The following WDPCP variants were observed in gnomAD, a reference collection of about 807,000 sequenced individuals.
WDPCP encodes the protein WD repeat containing planar cell polarity effector, also known as WD repeat-containing and planar cell polarity effector protein fritz homolog.
A neutral mutation model predicts 93.1 loss-of-function variants in WDPCP; 71 were observed. That is an observed-to-expected ratio of 0.76 (90% CI 0.63 to 0.93). WDPCP has a LOEUF of 0.93. Ranked by LOEUF, WDPCP falls within the 40% of genes least tolerant of loss-of-function variation. The pLI, the probability that WDPCP is intolerant of heterozygous loss-of-function variation, is 0.00. For missense variants in WDPCP, 844 were observed against 887.4 expected, an observed-to-expected ratio of 0.95 and a Z score of 0.62; for synonymous variants, 315 against 315.0, an observed-to-expected ratio of 1.00 and a Z score of 0.00.
intron 1 of WDPCP, among the ~76,000 whole-genome samples, chr2:63,536,016 GAAA>G (rs1053180369): frequency 1.3e-5 from 2 of 152,104 alleles, no homozygotes; most frequent in African/African-American, 4.8e-5. Flanking sequence ...AAATTTACAA[GAAA>G]AAGTCAAACA....
In WDPCP at chr2:63,566,229, C is replaced by T. The variant is rs189141988; in HGVS notation, c.75+21968G>A. On this transcript the variant is annotated intron_variant, in intron 1 of 17. Coordinates refer to ENST00000272321, the MANE Select transcript of WDPCP (RefSeq NM_015910.7). The stretch of plus-strand genomic sequence containing the variant: ...CTGGAAGCTGCTTAGGGCAAACCTG[C>T]CTCTCATTCAATTCAAAGTCACTCC... 3.1e-3 allele frequency among the ~76,000 whole-genome samples: 472 copies of T among 152,338 alleles called. 1 individual carries two copies. The highest frequency in any genetic ancestry group is 0.011 in the African/African-American group (440 of 41,568).
At chr2:63,462,626 GT>G (rs1218586996) in intron 6 of WDPCP, among the ~76,000 whole-genome samples, 18 of 152,272 alleles carry the variant, frequency 1.2e-4, no homozygotes, top group Admixed American at 3.3e-4. Flanking sequence ...AGAGAGAGAA[GT>G]GAGGAGGTTC....
chr2:63,621,394 C>T (rs1389321011), intron 3 of WDPCP, among the ~76,000 whole-genome samples: 1 of 151,472 alleles, frequency 6.6e-6, no homozygotes, highest in Non-Finnish European at 1.5e-5. Context: ...GTATCAATAG[C>T]CGAATTGATC....
intron 12 of WDPCP, among the ~76,000 whole-genome samples, chr2:63,345,651 T>C (rs1689141793): frequency 6.6e-6 from 1 of 152,300 alleles, no homozygotes; most frequent in Admixed American, 6.5e-5. Context: ...GATGTTAAGA[T>C]GCAACATCAA....
rs553103336 is a variant in WDPCP, at chr2:63,408,926, C to A, written c.826-4269G>T. ...CAAGGAGAGTCTGAGCTCAGACACA[C>A]CTAGCCCTGCTCCCACCTGATGGTC... On this transcript the variant is annotated intron_variant, in intron 9 of 17. Transcript: ENST00000272321. Among the ~76,000 whole-genome samples, 321 of 152,222 alleles carry A rather than the reference C, an allele frequency of 2.1e-3. 1 individual carries two copies. Among genetic ancestry groups the A allele is most frequent in the African/African-American group, 6.9e-3 (288 of 41,530 alleles).
chr2:63,507,544 T>C (rs150137302), intron 1 of WDPCP, among the ~76,000 whole-genome samples: 1 of 152,128 alleles, frequency 6.6e-6, no homozygotes, highest in East Asian at 1.9e-4. Flanking sequence ...GCGGATGATA[T>C]AGAATCCAGG....
chr2:63,598,732 G>A (rs1709363408), intron 3 of WDPCP, among the ~76,000 whole-genome samples: 1 of 152,052 alleles, frequency 6.6e-6, no homozygotes, highest in African/African-American at 2.4e-5. Context: ...TAAAAGATTA[G>A]AAGATTGTTC....
intron 1 of WDPCP, among the ~76,000 whole-genome samples, chr2:63,572,315 A>G (rs987515156): frequency 7.2e-5 from 11 of 152,238 alleles, no homozygotes; most frequent in Non-Finnish European, 1.6e-4. Context: ...CCAGGAGTAG[A>G]TAGGTAGAAA....
rs552087831 is a variant in WDPCP, at chr2:63,781,080, G to T, written n.308+32542C>A. Among the ~76,000 whole-genome samples the T allele has an allele frequency of 1.9e-4, 29 of 152,264 alleles. No homozygotes were observed. The South Asian group carries it at 5.2e-3, about 27-fold the overall frequency. On this transcript the variant is annotated intron_variant and non_coding_transcript_variant, in intron 2 of 4. Coordinates refer to the WDPCP transcript ENST00000467687. ...CAGAATTGGTTTGAGAAAGGGTATT[G>T]CTCTTTGAGCCATTCAGCTTAATTA...
At chr2:63,622,801 G>C in intron 3 of WDPCP, 3 of 1,612,044 alleles carry the variant, frequency 1.9e-6, no homozygotes, top group Non-Finnish European at 2.5e-6. Flanking sequence ...GAACTCCGGA[G>C]CACGCTCTGG....
intron 3 of WDPCP, among the ~76,000 whole-genome samples, chr2:63,611,404 A>C (rs577689912): frequency 2.4e-4 from 37 of 152,256 alleles, no homozygotes; most frequent in African/African-American, 7.5e-4. Flanking sequence ...TTATATGTAC[A>C]TTTAATACCA....
At chr2:63,683,463 A>G (rs1172437782) in intron 2 of WDPCP, among the ~76,000 whole-genome samples, 1 of 152,236 alleles carries the variant, frequency 6.6e-6, no homozygotes, top group African/African-American at 2.4e-5. Flanking sequence ...ACAAAATGTC[A>G]TATTTAAAAT....
chr2:63,776,559 G>A (rs1670305747), intron 2 of WDPCP, among the ~76,000 whole-genome samples: 1 of 146,362 alleles, frequency 6.8e-6, no homozygotes, highest in Non-Finnish European at 1.5e-5. Flanking sequence ...GGAAGGCTGA[G>A]ATAAGAGGAT....
intron 6 of WDPCP, among the ~76,000 whole-genome samples, chr2:63,475,668 G>T (rs921048060): frequency 6.6e-6 from 1 of 151,934 alleles, no homozygotes; most frequent in Non-Finnish European, 1.5e-5. Context: ...ATTAAAACAG[G>T]AATCAAAATA....
At chr2:63,797,394 G>A (rs1484575212) in intron 2 of WDPCP, among the ~76,000 whole-genome samples, 1 of 152,044 alleles carries the variant, frequency 6.6e-6, no homozygotes, top group Non-Finnish European at 1.5e-5. Context: ...TGGGGTTCCT[G>A]ATTCTAGACC....
chr2:63,330,256 T>A (rs1687879733), intron 12 of WDPCP, among the ~76,000 whole-genome samples: 2 of 152,212 alleles, frequency 1.3e-5, no homozygotes, highest in Admixed American at 1.3e-4. Flanking sequence ...ACCTTTTGAC[T>A]TTTTGGTTAG....
chr2:63,681,537 C>T (rs10180274), intron 2 of WDPCP, among the ~76,000 whole-genome samples: 66 of 152,260 alleles, frequency 4.3e-4, no homozygotes, highest in African/African-American at 1.2e-3. Flanking sequence ...AATGGAACAC[C>T]GACAGACTTC....
chr2:63,405,173 A>C (rs1319338077), intron 9 of WDPCP, among the ~76,000 whole-genome samples: 1 of 152,142 alleles, frequency 6.6e-6, no homozygotes, highest in African/African-American at 2.4e-5. Flanking sequence ...ATATATTTCT[A>C]ATTAGTAGGG....
chr2:63,588,331 C>A lies in WDPCP; in HGVS notation c.-60G>T, dbSNP rs1575713566. The A allele has an allele frequency of 1.9e-6, 3 of 1,540,602 alleles. No homozygotes were observed. The African/African-American group carries it at 4.1e-5, about 21-fold the overall frequency. ...CTAGGTCCTCGGACCCGAGAGGGAGCGACACGCTCGCTTGGTCTCTTGGGT... is the reference window on the plus strand; with the variant it reads ...CTAGGTCCTCGGACCCGAGAGGGAGAGACACGCTCGCTTGGTCTCTTGGGT... On this transcript the variant is annotated 5_prime_UTR_variant, in exon 1 of 18. Coordinates refer to ENST00000272321, the MANE Select transcript of WDPCP (RefSeq NM_015910.7).
Sources: allele counts gnomAD v4.1 joint callset (sites outside exome capture counted in the v4.1 genomes callset), GRCh38; gene constraint gnomAD v4.1.1; transcripts MANE v1.5; gene names NCBI Gene and HGNC (gene_info 2026-07-23, HGNC 2026-07-21).